COL26A1: variants seen among roughly 807,000 people sequenced by gnomAD.
COL26A1 encodes collagen alpha-1(XXVI) chain.
Under a neutral mutation model 59.3 loss-of-function variants are expected in COL26A1, and 41 were observed. The observed-to-expected ratio is 0.69, with a 90% CI of 0.54 to 0.90. The LOEUF (loss-of-function observed/expected upper bound fraction) is 0.90, where lower values mean the gene tolerates loss of function less well. Ranked by LOEUF, COL26A1 falls within the 40% of genes least tolerant of loss-of-function variation. The probability of loss-of-function intolerance (pLI) is 0.00; values close to 1 mark genes in which losing one functional copy is unlikely to be tolerated. For synonymous variants in COL26A1, 266 were observed against 256.0 expected, an observed-to-expected ratio of 1.04 and a Z score of -0.37; for missense variants, 612 against 602.3, an observed-to-expected ratio of 1.02 and a Z score of -0.17.
chr7:101,424,978 A>G (rs367827461), intron 2 of COL26A1, among the ~76,000 whole-genome samples: 1 of 152,124 alleles, frequency 6.6e-6, no homozygotes, highest in African/African-American at 2.4e-5. Context: ...GCTGGAGTGT[A>G]GTGGTGTGAT....
intron 2 of COL26A1, among the ~76,000 whole-genome samples, chr7:101,429,932 C>A (rs1792741613): frequency 6.6e-6 from 1 of 152,044 alleles, no homozygotes; most frequent in African/African-American, 2.4e-5. Flanking sequence ...GTTCCTTTGT[C>A]TTTTCATATA....
chr7:101,374,285 C>T (rs1414349202), intron 1 of COL26A1, among the ~76,000 whole-genome samples: 3 of 152,116 alleles, frequency 2.0e-5, no homozygotes, highest in Admixed American at 1.3e-4. Context: ...TGGAGGAGAG[C>T]GGTGTGCGTT....
chr7:101,504,591 G>A (rs533913644), intron 3 of COL26A1, among the ~76,000 whole-genome samples: 5 of 152,266 alleles, frequency 3.3e-5, no homozygotes, highest in South Asian at 2.1e-4. Flanking sequence ...CATGTGTCCC[G>A]GGTCCTGTGA....
At chr7:101,545,948 G>A (rs1261160619) in intron 7 of COL26A1, among the ~76,000 whole-genome samples, 5 of 152,244 alleles carry the variant, frequency 3.3e-5, no homozygotes, top group Non-Finnish European at 7.3e-5. Flanking sequence ...TTCAGCAGGT[G>A]TTTAGTGAGC....
intron 1 of COL26A1, among the ~76,000 whole-genome samples, chr7:101,366,366 G>C (rs1479114840): frequency 6.6e-6 from 1 of 151,886 alleles, no homozygotes; most frequent in Non-Finnish European, 1.5e-5. Flanking sequence ...TTGGCCTTCA[G>C]TAGTGTGTTT....
intron 3 of COL26A1, among the ~76,000 whole-genome samples, chr7:101,460,457 C>A (rs920452187): frequency 2.6e-5 from 4 of 152,144 alleles, no homozygotes; most frequent in Non-Finnish European, 5.9e-5. Flanking sequence ...CCATCAGCAC[C>A]TAAGGATACT....
intron 7 of COL26A1, among the ~76,000 whole-genome samples, 177 bp downstream of exon 7, chr7:101,545,667 C>T (rs935096907): frequency 1.3e-5 from 2 of 152,210 alleles, no homozygotes; most frequent in Non-Finnish European, 2.9e-5. Context: ...TGTCCAGGGC[C>T]TGCCAGTGAC....
intron 3 of COL26A1, among the ~76,000 whole-genome samples, chr7:101,529,369 A>G (rs543129265): frequency 6.6e-6 from 1 of 152,154 alleles, no homozygotes; most frequent in Admixed American, 6.5e-5. Context: ...CCCGGGTTCA[A>G]GCGATCCTCG....
intron 1 of COL26A1, among the ~76,000 whole-genome samples, chr7:101,368,437 G>T (rs1309477298): frequency 6.6e-6 from 1 of 152,200 alleles, no homozygotes; most frequent in Non-Finnish European, 1.5e-5. Flanking sequence ...AATTGATGTG[G>T]CAGTGTACAG....
At chr7:101,520,915 T>C (rs1009048419) in intron 3 of COL26A1, among the ~76,000 whole-genome samples, 1 of 152,116 alleles carries the variant, frequency 6.6e-6, no homozygotes, top group African/African-American at 2.4e-5. Flanking sequence ...CCCAGAGCTG[T>C]GAGGAAATAA....
chr7:101,419,502 C>G (rs1030775418), intron 1 of COL26A1, among the ~76,000 whole-genome samples: 1 of 152,242 alleles, frequency 6.6e-6, no homozygotes, highest in South Asian at 2.1e-4. Flanking sequence ...CTGCTGGCTT[C>G]GTCCCCTCTC....
chr7:101,450,627 A>G (rs551266644), intron 3 of COL26A1, among the ~76,000 whole-genome samples: 85 of 150,562 alleles, frequency 5.6e-4, no homozygotes, highest in African/African-American at 2.0e-3. Flanking sequence ...GTGTATATAT[A>G]TAATATGTGT....
chr7:101,409,723 G>A (rs1228294368), intron 1 of COL26A1, among the ~76,000 whole-genome samples: 1 of 152,198 alleles, frequency 6.6e-6, no homozygotes, highest in Non-Finnish European at 1.5e-5. Flanking sequence ...AGGAGGACAG[G>A]AGATAGTTCT....
intron 6 of COL26A1, among the ~76,000 whole-genome samples, 191 bp from the exon 7 acceptor site, chr7:101,545,147 G>A (rs1795704421): frequency 6.6e-6 from 1 of 152,146 alleles, no homozygotes; most frequent in African/African-American, 2.4e-5. Context: ...GGACTGGGCT[G>A]GGAAGGGAAG....
intron 3 of COL26A1, among the ~76,000 whole-genome samples, chr7:101,503,014 G>A: frequency 6.6e-6 from 1 of 152,170 alleles, no homozygotes; most frequent in East Asian, 1.9e-4. Context: ...CCAGGGCCCA[G>A]CCTGCCTGCT....
chr7:101,449,128 G>A (rs1793269581), intron 3 of COL26A1, among the ~76,000 whole-genome samples: 1 of 152,186 alleles, frequency 6.6e-6, no homozygotes, highest in South Asian at 2.1e-4. Context: ...GGAGGTTCCA[G>A]GGCTGACTTG....
chr7:101,492,539 A>T (rs1412377407), intron 3 of COL26A1, among the ~76,000 whole-genome samples: 1 of 151,622 alleles, frequency 6.6e-6, no homozygotes, highest in Non-Finnish European at 1.5e-5. Context: ...TCTACTAAAA[A>T]TACAAAAATT....
intron 2 of COL26A1, among the ~76,000 whole-genome samples, chr7:101,434,702 G>C (rs1259272987): frequency 1.3e-5 from 2 of 152,204 alleles, no homozygotes; most frequent in Admixed American, 1.3e-4. Flanking sequence ...CCAGTCAACA[G>C]CATGATGTGG....
chr7:101,543,976 C>T (rs2130663084), intron 5 of COL26A1, 22 bp from the exon 6 acceptor site: 1 of 1,518,914 alleles, frequency 6.6e-7, no homozygotes, highest in African/African-American at 1.4e-5. Context: ...TGTTCTGATG[C>T]CCTGTCTCCT....
Sources: allele counts gnomAD v4.1 joint callset (sites outside exome capture counted in the v4.1 genomes callset), GRCh38; gene constraint gnomAD v4.1.1; transcripts MANE v1.5; gene names NCBI Gene and HGNC (gene_info 2026-07-23, HGNC 2026-07-21).